Variants in HNF4A observed in about 807,000 individuals in gnomAD.
HNF4A encodes hepatocyte nuclear factor 4 alpha, also known as hepatocyte nuclear factor 4-alpha.
HNF4A carries 15 observed loss-of-function variants against 52.4 expected under a neutral mutation model. The observed-to-expected ratio is 0.29, with a 90% CI of 0.19 to 0.44. The LOEUF (loss-of-function observed/expected upper bound fraction) is 0.44, where lower values mean the gene tolerates loss of function less well. HNF4A is among the 20% of genes least tolerant of loss of function. The pLI is 1.00. For missense variants in HNF4A, 479 were observed against 647.2 expected (o/e 0.74, Z 2.82); for synonymous variants, 280 against 264.4 (o/e 1.06, Z -0.57).
Position 44,358,969 on chromosome 20 carries a change from C to T in HNF4A, c.49+3116C>T, listed in dbSNP as rs138432127. ...CCCTGGACTTCCGGTGCTTCCACGG[C>T]ACACTGGTTTTGGCTTTGCGGTTCT... On this transcript the variant is annotated intron_variant, in intron 1 of 9. Transcript: ENST00000316673. Among the ~76,000 whole-genome samples, 435 of 152,258 alleles carry T rather than the reference C, an allele frequency of 2.9e-3. 5 individuals carry two copies. Among genetic ancestry groups the T allele is most frequent in the African/African-American group, 9.3e-3 (388 of 41,548 alleles).
chr20:44,366,589 C>A (rs1178153861), intron 1 of HNF4A, among the ~76,000 whole-genome samples: 1 of 152,056 alleles, frequency 6.6e-6, no homozygotes, highest in Non-Finnish European at 1.5e-5. Flanking sequence ...CCACTGTACT[C>A]CAACCTGGGC....
In HNF4A at chr20:44,431,378, T is replaced by C. The variant is rs978525342; in HGVS notation, c.*1713T>C. 3 of 152,272 alleles carry C rather than the reference T, an allele frequency of 2.0e-5. No individual in the cohort carries two copies. Among genetic ancestry groups the C allele is most frequent in the Non-Finnish European group, 4.4e-5 (3 of 68,038 alleles). 9.4% of individuals were successfully genotyped at this position (152,272 alleles called of 1,614,324 possible). A position where few individuals can be genotyped will look rare whatever the true frequency, so the allele number is the denominator to read the frequency against. ...GAGCATCCTGTTTGCTGATAAATATTAAGGAGAATTCATGACTCTTGACAG... is the reference window on the plus strand; with the variant it reads ...GAGCATCCTGTTTGCTGATAAATATCAAGGAGAATTCATGACTCTTGACAG... On this transcript the variant is annotated 3_prime_UTR_variant, in exon 10 of 10. Transcript: ENST00000316099.
intron 1 of HNF4A, among the ~76,000 whole-genome samples, chr20:44,368,449 G>A (rs1375565955): frequency 1.3e-5 from 2 of 151,764 alleles, no homozygotes; most frequent in African/African-American, 2.4e-5. Context: ...TTATAAGTGT[G>A]AGCCACCAGG....
At chr20:44,421,638 C>G (rs890689781) in intron 7 of HNF4A, among the ~76,000 whole-genome samples, 1 of 151,824 alleles carries the variant, frequency 6.6e-6, no homozygotes. Context: ...CCTGTAATCC[C>G]AGCTACTCAG....
chr20:44,375,988 T>C (rs989583843), intron 1 of HNF4A, among the ~76,000 whole-genome samples: 3 of 152,186 alleles, frequency 2.0e-5, no homozygotes, highest in Non-Finnish European at 4.4e-5. Context: ...GGCTCATGCC[T>C]GTAATCCCAG....
intron 1 of HNF4A, among the ~76,000 whole-genome samples, chr20:44,381,776 A>G (rs1182920758): frequency 6.6e-6 from 1 of 151,500 alleles, no homozygotes; most frequent in African/African-American, 2.4e-5. Context: ...ACGCCCGGCT[A>G]ATTTTTGTGT....
At chr20:44,384,961 G>A (rs1210271190) in intron 1 of HNF4A, among the ~76,000 whole-genome samples, 1 of 150,298 alleles carries the variant, frequency 6.7e-6, no homozygotes, top group Non-Finnish European at 1.5e-5. Context: ...TTATTCTGAT[G>A]AGCAGACACA....
At chr20:44,400,912 C>T (rs967603348), upstream of HNF4A, among the ~76,000 whole-genome samples, 16 of 151,598 alleles carry the variant, frequency 1.1e-4, no homozygotes, top group African/African-American at 1.9e-4. Context: ...TAGGGGATCT[C>T]GGAGGTAGGC....
upstream of HNF4A, among the ~76,000 whole-genome samples, chr20:44,398,225 G>T (rs894956505): frequency 1.3e-5 from 2 of 152,144 alleles, no homozygotes; most frequent in African/African-American, 4.8e-5. Flanking sequence ...GTTTAAAATG[G>T]AAATACAAAG....
chr20:44,427,088 C>T (rs549121920), intron 8 of HNF4A, among the ~76,000 whole-genome samples: 37 of 152,330 alleles, frequency 2.4e-4, no homozygotes, highest in African/African-American at 8.4e-4. Context: ...TGTTCAGCTG[C>T]ATCTCTGTCC....
intron 3 of HNF4A, among the ~76,000 whole-genome samples, chr20:44,411,054 G>A (rs545200872): frequency 5.4e-4 from 82 of 152,310 alleles, no homozygotes; most frequent in African/African-American, 1.8e-3. Flanking sequence ...TCCTGCAACC[G>A]AAAGCCAGGG....
chr20:44,370,352 A>G (rs535485113), intron 1 of HNF4A, among the ~76,000 whole-genome samples: 1 of 152,142 alleles, frequency 6.6e-6, no homozygotes, highest in Non-Finnish European at 1.5e-5. Context: ...CAATCCTTCA[A>G]TCACGCCAAG....
At chr20:44,388,165 T>C (rs993542567) in intron 1 of HNF4A, among the ~76,000 whole-genome samples, 5 of 151,918 alleles carry the variant, frequency 3.3e-5, no homozygotes, top group African/African-American at 9.7e-5. Flanking sequence ...CGTGGCTCAC[T>C]GCAGCCTCCA....
At chr20:44,424,542 T>A (rs1434682453) in intron 8 of HNF4A, 1 of 1,083,998 alleles carries the variant, frequency 9.2e-7, no homozygotes, top group Non-Finnish European at 1.3e-6. Flanking sequence ...TGTGTGAGTA[T>A]GTATGGATGC....
At chr20:44,369,266 A>AC (rs918778082) in intron 1 of HNF4A, among the ~76,000 whole-genome samples, 8 of 148,268 alleles carry the variant, frequency 5.4e-5, no homozygotes, top group African/African-American at 2.0e-4. Context: ...AAAAAAAAAA[A>AC]AAAAAAAAAA....
chr20:44,364,736 G>A (rs1349815638), intron 1 of HNF4A, among the ~76,000 whole-genome samples: 1 of 152,148 alleles, frequency 6.6e-6, no homozygotes. Flanking sequence ...CCAAAGTGCT[G>A]GGGTTACAGG....
Position 44,423,216 on chromosome 20 carries a change from T to A in HNF4A, c.893-802T>A, listed in dbSNP as rs530450038. Among the ~76,000 whole-genome samples the A allele has an allele frequency of 2.0e-5, 3 of 152,126 alleles. No homozygotes were observed. The South Asian group carries it at 6.2e-4, about 32-fold the overall frequency. Reference sequence around the variant, plus strand: ...CTGTAATCCCAGCTACTCGGGAGGCTGAGGCAGGAGAATCGCTTGAACCCA... The same window carrying A: ...CTGTAATCCCAGCTACTCGGGAGGCAGAGGCAGGAGAATCGCTTGAACCCA... On this transcript the variant is annotated intron_variant, in intron 7 of 9. Coordinates refer to ENST00000316099, the MANE Select transcript of HNF4A (RefSeq NM_000457.6).
intron 6 of HNF4A, among the ~76,000 whole-genome samples, chr20:44,418,746 A>G (rs1230516438): frequency 6.6e-6 from 1 of 152,188 alleles, no homozygotes; most frequent in East Asian, 1.9e-4. Context: ...TTGAAGTCAG[A>G]GCACGATCAG....
chr20:44,413,665 C>A, intron 3 of HNF4A, 29 bp from the exon 4 acceptor site: 1 of 1,562,196 alleles, frequency 6.4e-7, no homozygotes, highest in South Asian at 1.1e-5. Context: ...CCCTGTTCTC[C>A]CTCCTCACCT....
Sources: allele counts gnomAD v4.1 joint callset (sites outside exome capture counted in the v4.1 genomes callset), GRCh38; gene constraint gnomAD v4.1.1; transcripts MANE v1.5; gene names NCBI Gene and HGNC (gene_info 2026-07-23, HGNC 2026-07-21).